Variants in CAST observed in about 807,000 individuals in gnomAD.
The protein encoded by CAST is MIR583 host.
In CAST, 76 loss-of-function variants were observed where a neutral mutation model predicts 119.6. The observed-to-expected ratio is 0.64, with a 90% CI of 0.53 to 0.77. The LOEUF (loss-of-function observed/expected upper bound fraction) is 0.77, where lower values mean the gene tolerates loss of function less well. Among genes scored for constraint, CAST ranks in the 30% least tolerant of loss-of-function variants. The pLI, the probability that CAST is intolerant of heterozygous loss-of-function variation, is 0.00. For missense variants in CAST, 953 were observed against 946.5 expected (o/e 1.01, Z -0.09); for synonymous variants, 319 against 331.6 (o/e 0.96, Z 0.41).
At chr5:96,282,151 A>C in the CAST span, among the ~76,000 whole-genome samples, 3 of 147,006 alleles carry the variant, frequency 2.0e-5, no homozygotes, top group African/African-American at 7.5e-5. Flanking sequence ...CCTCCAGGAG[A>C]AAAGCTATGT....
At chr5:96,559,629 T>G (rs1746315690) in intron 1 of CAST, among the ~76,000 whole-genome samples, 1 of 152,078 alleles carries the variant, frequency 6.6e-6, no homozygotes, top group African/African-American at 2.4e-5. Context: ...ATAAAATACC[T>G]AGGAATCCAA....
the CAST span, among the ~76,000 whole-genome samples, chr5:96,358,593 G>C: frequency 2.0e-5 from 3 of 152,150 alleles, no homozygotes; most frequent in African/African-American, 7.2e-5. Context: ...TATTTACCCA[G>C]TAGTCATTCA....
chr5:95,975,076 A>G, the CAST span, among the ~76,000 whole-genome samples: 3 of 152,158 alleles, frequency 2.0e-5, no homozygotes, highest in Admixed American at 6.6e-5. Flanking sequence ...AGGGGAGCCT[A>G]TTACCAGCAG....
At chr5:96,620,843 G>A (rs1314381889) in intron 1 of CAST, among the ~76,000 whole-genome samples, 3 of 152,158 alleles carry the variant, frequency 2.0e-5, no homozygotes, top group African/African-American at 7.2e-5. Context: ...AAGAAAAAGC[G>A]GAAACGGTAT....
At chr5:96,485,548 A>G in the CAST span, among the ~76,000 whole-genome samples, 6 of 152,278 alleles carry the variant, frequency 3.9e-5, no homozygotes, top group Middle Eastern at 3.4e-3. Flanking sequence ...CCAAAAGTGG[A>G]AGAAAGGATA....
intron 14 of CAST, 48 bp from the exon 15 acceptor site, chr5:96,741,446 T>G (rs753443091): frequency 6.6e-7 from 1 of 1,524,124 alleles, no homozygotes; most frequent in Non-Finnish European, 9.1e-7. Context: ...CTATTACAGT[T>G]AAACTTTCCT....
At chr5:96,028,403 A>G in the CAST span, among the ~76,000 whole-genome samples, 1 of 152,074 alleles carries the variant, frequency 6.6e-6, no homozygotes. Flanking sequence ...ATAGGAGGTA[A>G]AAAAAGAATA....
At chr5:96,011,068 C>G in the CAST span, among the ~76,000 whole-genome samples, 1 of 152,158 alleles carries the variant, frequency 6.6e-6, no homozygotes, top group African/African-American at 2.4e-5. Flanking sequence ...TTAACTTCTT[C>G]TTTGCCTATT....
At chr5:96,457,745 C>A in the CAST span, among the ~76,000 whole-genome samples, 1 of 152,290 alleles carries the variant, frequency 6.6e-6, no homozygotes, top group Non-Finnish European at 1.5e-5. Context: ...CTTCCTCAAC[C>A]CAGAATGAAC....
chr5:96,474,567 C>A, the CAST span, among the ~76,000 whole-genome samples: 1 of 152,144 alleles, frequency 6.6e-6, no homozygotes, highest in Non-Finnish European at 1.5e-5. Context: ...AAACATGGGA[C>A]GAGGCCTCAG....
chr5:96,476,838 A>G, the CAST span, among the ~76,000 whole-genome samples: 1 of 151,398 alleles, frequency 6.6e-6, no homozygotes, highest in Non-Finnish European at 1.5e-5. Context: ...CTCCCTGCAC[A>G]TGCACTTCAC....
chr5:96,115,094 A>G, the CAST span, among the ~76,000 whole-genome samples: 27 of 152,350 alleles, frequency 1.8e-4, no homozygotes, highest in Admixed American at 2.6e-4. Flanking sequence ...GTACATGATC[A>G]TAACTATTGC....
chr5:96,439,590 C>A, the CAST span, among the ~76,000 whole-genome samples: 1 of 152,096 alleles, frequency 6.6e-6, no homozygotes, highest in Non-Finnish European at 1.5e-5. Flanking sequence ...GAAAACTATC[C>A]CTTTGTCACC....
the CAST span, among the ~76,000 whole-genome samples, chr5:96,051,040 G>T: frequency 6.6e-6 from 1 of 152,060 alleles, no homozygotes; most frequent in African/African-American, 2.4e-5. Context: ...GGGCCCTTGG[G>T]CCCTATTCTA....
At chr5:96,272,876 A>G in the CAST span, among the ~76,000 whole-genome samples, 1 of 152,212 alleles carries the variant, frequency 6.6e-6, no homozygotes, top group African/African-American at 2.4e-5. Flanking sequence ...ATCTACATCT[A>G]TTATATATCA....
the CAST span, among the ~76,000 whole-genome samples, chr5:96,261,574 G>T: frequency 2.1e-4 from 32 of 152,254 alleles, no homozygotes; most frequent in African/African-American, 7.5e-4. Context: ...AGGAACAATT[G>T]GAACTCTTAG....
chr5:96,432,160 G>A, the CAST span: 14 of 1,533,298 alleles, frequency 9.1e-6, no homozygotes, highest in African/African-American at 1.4e-5. Flanking sequence ...GGGACTGGCC[G>A]GGCAAAGTTA....
the CAST span, among the ~76,000 whole-genome samples, chr5:96,198,531 TG>T: frequency 1.3e-5 from 2 of 152,118 alleles, no homozygotes; most frequent in African/African-American, 4.8e-5. Context: ...CCTTGTGTGC[TG>T]GGCACATTCA....
At chr5:96,157,105 T>C in the CAST span, among the ~76,000 whole-genome samples, 1 of 152,256 alleles carries the variant, frequency 6.6e-6, no homozygotes, top group Non-Finnish European at 1.5e-5. Flanking sequence ...TTTTTTTCTC[T>C]GAACAGATTT....
Sources: allele counts gnomAD v4.1 joint callset (sites outside exome capture counted in the v4.1 genomes callset), GRCh38; gene constraint gnomAD v4.1.1; transcripts MANE v1.5; gene names NCBI Gene and HGNC (gene_info 2026-07-23, HGNC 2026-07-21).